The following IGFLR1 variants were observed in gnomAD, a reference collection of about 807,000 sequenced individuals.
IGFLR1 encodes IGF like family receptor 1, also known as IGF-like family receptor 1.
In IGFLR1, 17 loss-of-function variants were observed where a neutral mutation model predicts 23.4. The ratio of observed to expected loss-of-function variants is 0.73; its 90% confidence interval spans 0.50 to 1.09. The LOEUF (loss-of-function observed/expected upper bound fraction) is 1.09, where lower values mean the gene tolerates loss of function less well. IGFLR1 is among the 50% of genes least tolerant of loss of function. The probability of loss-of-function intolerance (pLI) is 0.00; values close to 1 mark genes in which losing one functional copy is unlikely to be tolerated. For missense variants in IGFLR1, 556 were observed against 459.2 expected (o/e 1.21, Z -1.93); for synonymous variants, 265 against 210.7 (o/e 1.26, Z -2.23).
chr19:35,739,625 T>C lies in IGFLR1; in HGVS notation c.723A>G (p.Glu241=). ...GGGGTTGTGACGCCAGACTGGACAG[T>C]TCTGGAAGAAAGGGGAAGGGTAAAG... The part of the protein sequence containing the change: ...EASLLPLLSR[E]LSSLASQPLS... Residue 241 remains glutamate (E), a splice_region_variant and synonymous_variant, in exon 5 of 5, where the codon GAA becomes GAG. Transcript: ENST00000246532. 1.2e-6 allele frequency: 2 copies of C among 1,606,830 alleles called. No homozygotes were observed. The highest frequency in any genetic ancestry group is 1.1e-5 in the South Asian group (1 of 90,874).
chr19:35,739,432 G>T lies in IGFLR1; in HGVS notation c.916C>A (p.Arg306Ser). 1 of 1,613,900 alleles carries T rather than the reference G, an allele frequency of 6.2e-7. No homozygotes were observed. The highest frequency in any genetic ancestry group is 8.5e-7 in the Non-Finnish European group (1 of 1,179,964). ...STFAYSLRPS[R>S]SPLRALIEMV... ...TCAATCAGAGCCCGCAGCGGCGAGC[G>T]ACTCGGCCTCAGCGAATAGGCAAAG... The change falls in exon 5 of 5, where the codon CGC becomes AGC. Residue 306 changes from arginine to serine, a missense_variant. Arg to Ser is a moderately radical substitution (Grantham distance 110, BLOSUM62 -1). Transcript: ENST00000246532.
At position 35,739,361 on chromosome 19, in the gene IGFLR1, G is replaced by A; in HGVS notation, c.987C>T (p.Gly329=). 6.2e-7 allele frequency: 1 copy of A among 1,612,362 alleles called. No homozygotes were observed. The highest frequency in any genetic ancestry group is 8.5e-7 in the Non-Finnish European group (1 of 1,179,488). ...REPSASLGQL[G]THLAQLGRAD... is the part of the protein sequence containing the mutation. ...CCCGCCCTAGCTGGGCGAGGTGTGT[G>A]CCAAGCTGGCCCAGGGAGGCAGAGG... The change falls in exon 5 of 5, where the codon GGC becomes GGT. Residue 329 remains glycine, a synonymous_variant. Coordinates refer to ENST00000246532, the MANE Select transcript of IGFLR1 (RefSeq NM_024660.4).
chr19:35,740,078 G>A lies in IGFLR1; in HGVS notation c.353C>T (p.Pro118Leu), dbSNP rs1197778126. 2 of 1,611,928 alleles carry A rather than the reference G, an allele frequency of 1.2e-6. No individual in the cohort carries two copies. Among genetic ancestry groups the A allele is most frequent in the Admixed American group, 1.7e-5 (1 of 59,816 alleles). Residue 118 changes from proline to leucine, a missense_variant, in exon 4 of 5, where the codon CCT (proline) becomes CTT (leucine). By Grantham distance (98) the Pro-to-Leu change is moderately conservative. Transcript: ENST00000246532. ...TGTGAGGGGGCAGTGCCCCTTGGCA[G>A]GGACCGGCCTCTGGGGATAAGGGGT... ...TPWRCRERPV[P>L]AKGHCPLTPG...
In IGFLR1 at chr19:35,739,628, T is replaced by G; in HGVS notation, c.722-2A>C. On this transcript the variant is annotated splice_acceptor_variant, in intron 4 of 4. Coordinates refer to ENST00000246532, the MANE Select transcript of IGFLR1 (RefSeq NM_024660.4). LOFTEE classifies it high-confidence loss of function. ...GTTGTGACGCCAGACTGGACAGTTC[T>G]GGAAGAAAGGGGAAGGGTAAAGGTG... 1 of 1,606,406 alleles carries G rather than the reference T, an allele frequency of 6.2e-7. No individual in the cohort carries two copies. The highest frequency in any genetic ancestry group is 8.5e-7 in the Non-Finnish European group (1 of 1,174,238).
Position 35,739,491 on chromosome 19 carries a change from G to C in IGFLR1, c.857C>G (p.Ala286Gly). The C allele has an allele frequency of 6.2e-7, 1 of 1,614,014 alleles. No homozygotes were observed. The highest frequency in any genetic ancestry group is 8.5e-7 in the Non-Finnish European group (1 of 1,180,002). Residue 286 changes from alanine to glycine, a missense_variant, in exon 5 of 5, where the codon GCC becomes GGC. Ala to Gly is a moderately conservative substitution (Grantham distance 60). Coordinates refer to ENST00000246532, the MANE Select transcript of IGFLR1 (RefSeq NM_024660.4). The stretch of plus-strand genomic sequence containing the variant: ...GGCAGCAGGCAGCCCATATCTTGCG[G>C]CCAGGTGTCGAGTAGTGCCATGGGC... ...GMAHGTTRHL[A>G]ARYGLPAAWS...
chr19:35,739,683 C>T lies in IGFLR1; in HGVS notation c.721+27G>A, dbSNP rs370623789. 7.0e-6 allele frequency: 11 copies of T among 1,563,454 alleles called. No individual in the cohort carries two copies. The African/African-American group carries it at 1.1e-4, about 15-fold the overall frequency. ...AGAGCGGGCGTCCAGTCCACCTTCC[C>T]TGCCCCGGGGCTCCTCCAGGACTAA... On this transcript the variant is annotated intron_variant, in intron 4 of 4. Transcript: ENST00000246532.
At position 35,739,555 on chromosome 19, in the gene IGFLR1, C is replaced by CAA. The variant is rs752230762; in HGVS notation, c.791_792dup (p.Val265LeufsTer39). Reference sequence around the variant, plus strand: ...GGCCCAGGCTCAGGGTCCAGCAGTACAATCAGCTCTTCCAGCACCTCCAGC... The same window carrying CAA: ...GGCCCAGGCTCAGGGTCCAGCAGTACAAAATCAGCTCTTCCAGCACCTCCAGC... On this transcript the variant is annotated frameshift_variant, in exon 5 of 5. Coordinates refer to ENST00000246532, the MANE Select transcript of IGFLR1 (RefSeq NM_024660.4). LOFTEE classifies it low-confidence loss of function (END_TRUNC). The CAA allele has an allele frequency of 5.0e-6, 8 of 1,614,014 alleles. No individual in the cohort carries two copies. Among genetic ancestry groups the CAA allele is most frequent in the Non-Finnish European group, 6.8e-6 (8 of 1,180,032 alleles).
Position 35,742,407 on chromosome 19 carries a change from T to C in IGFLR1, c.-55A>G. 6 of 1,532,872 alleles carry C rather than the reference T, an allele frequency of 3.9e-6. No homozygotes were observed. The highest frequency in any genetic ancestry group is 4.4e-6 in the Non-Finnish European group (5 of 1,145,152). 95.0% of individuals were successfully genotyped at this position (1,532,872 alleles called of 1,614,324 possible). A position where few individuals can be genotyped will look rare whatever the true frequency, so the allele number is the denominator to read the frequency against. On this transcript the variant is annotated 5_prime_UTR_variant, in exon 1 of 5. Transcript: ENST00000246532. ...CACCCTACCAGTACCGTTAGGGTCC[T>C]GGGTCCCAAGCTGGCCGTGCCAAGT...
In IGFLR1 at chr19:35,739,435, T is replaced by G. The variant is rs751866831; in HGVS notation, c.913A>C (p.Ser305Arg). Residue 305 changes from serine (S) to arginine (R), a missense_variant, in exon 5 of 5, where the codon AGT (serine) becomes CGT (arginine). Coordinates refer to ENST00000246532, the MANE Select transcript of IGFLR1 (RefSeq NM_024660.4). ...WSTFAYSLRP[S>R]RSPLRALIEM... Reference sequence around the variant, plus strand: ...ATCAGAGCCCGCAGCGGCGAGCGACTCGGCCTCAGCGAATAGGCAAAGGTG... The same window carrying G: ...ATCAGAGCCCGCAGCGGCGAGCGACGCGGCCTCAGCGAATAGGCAAAGGTG... 3 of 1,613,876 alleles carry G rather than the reference T, an allele frequency of 1.9e-6. No individual in the cohort carries two copies. In the South Asian group the frequency reaches 3.3e-5, roughly 18 times the overall value.
At position 35,740,086 on chromosome 19, in the gene IGFLR1, C is replaced by A; in HGVS notation, c.345G>T (p.Arg115Ser). ...GGRTPWRCRE[R>S]PVPAKGHCPL... ...GGCAGTGCCCCTTGGCAGGGACCGG[C>A]CTCTGGGGATAAGGGGTTGGAGTAA... The change falls in exon 4 of 5, where the codon AGG becomes AGT. Residue 115 changes from arginine to serine, a missense_variant and splice_region_variant. Transcript: ENST00000246532. 6.2e-7 allele frequency: 1 copy of A among 1,610,126 alleles called. No homozygotes were observed. The highest frequency in any genetic ancestry group is 8.5e-7 in the Non-Finnish European group (1 of 1,178,842).
At chr19:35,740,748 A>G in intron 2 of IGFLR1, 184 bp from the exon 3 acceptor site, 1 of 658,354 alleles carries the variant, frequency 1.5e-6, no homozygotes, top group South Asian at 2.0e-5. Flanking sequence ...CCTGCTCCGC[A>G]CGAAGCTCCG....
Position 35,739,470 on chromosome 19 carries a change from G to T in IGFLR1, c.878C>A (p.Ala293Asp). The T allele has an allele frequency of 6.2e-7, 1 of 1,613,982 alleles. No homozygotes were observed. Among genetic ancestry groups the T allele is most frequent in the Non-Finnish European group, 8.5e-7 (1 of 1,179,976 alleles). The part of the protein sequence containing the change: ...RHLAARYGLP[A>D]AWSTFAYSLR... ...CGAATAGGCAAAGGTGGACCAGGCAGCAGGCAGCCCATATCTTGCGGCCAG... is the reference window on the plus strand; with the variant it reads ...CGAATAGGCAAAGGTGGACCAGGCATCAGGCAGCCCATATCTTGCGGCCAG... The change falls in exon 5 of 5, where the codon GCT becomes GAT. Residue 293 changes from alanine to aspartate, a missense_variant. Coordinates refer to ENST00000246532, the MANE Select transcript of IGFLR1 (RefSeq NM_024660.4).
In IGFLR1 at chr19:35,741,185, G is replaced by A. The variant is rs747329461; in HGVS notation, c.-5C>T. 1 of 1,610,666 alleles carries A rather than the reference G, an allele frequency of 6.2e-7. No individual in the cohort carries two copies. Among genetic ancestry groups the A allele is most frequent in the Admixed American group, 1.7e-5 (1 of 59,618 alleles). The stretch of plus-strand genomic sequence containing the variant: ...GAGGCATCGTCCAGGCCCCATCTGG[G>A]GGGCCGTGATAGCGGGACTTCCAAA... On this transcript the variant is annotated 5_prime_UTR_variant, in exon 2 of 5. Transcript: ENST00000246532.
At chr19:35,742,374 G>A in intron 1 of IGFLR1, 22 bp downstream of exon 1, 1 of 1,513,972 alleles carries the variant, frequency 6.6e-7, no homozygotes, top group Non-Finnish European at 8.8e-7. Context: ...TCAGCACAAA[G>A]GTGTCCCCAC....
rs986182731 is a variant in IGFLR1, at chr19:35,740,101, G to C, written c.343-13C>G. 17 of 1,602,214 alleles carry C rather than the reference G, an allele frequency of 1.1e-5. No individual in the cohort carries two copies. Among genetic ancestry groups the C allele is most frequent in the Non-Finnish European group, 1.4e-5 (16 of 1,175,950 alleles). ...CAGGGACCGGCCTCTGGGGATAAGG[G>C]GTTGGAGTAAAGCTGGAGGCCACAC... On this transcript the variant is annotated splice_polypyrimidine_tract_variant and intron_variant, in intron 3 of 4. Transcript: ENST00000246532.
chr19:35,740,331 G>GCCC, intron 3 of IGFLR1, 49 bp downstream of exon 3: 1 of 1,495,970 alleles, frequency 6.7e-7, no homozygotes, highest in Non-Finnish European at 8.9e-7. Context: ...CTACATCTAG[G>GCCC]CCCCCCACCT....
At chr19:35,741,333 A>C in intron 1 of IGFLR1, 110 bp from the exon 2 acceptor site, 1 of 1,138,722 alleles carries the variant, frequency 8.8e-7, no homozygotes, top group East Asian at 2.6e-5. Context: ...CTCATCCCCC[A>C]ACTGAGCCGG....
chr19:35,740,355 G>T (rs1339791689), intron 3 of IGFLR1, 25 bp downstream of exon 3: 11 of 1,548,172 alleles, frequency 7.1e-6, no homozygotes, highest in East Asian at 2.3e-5. Flanking sequence ...GCACGCCCTT[G>T]CCCTGCCGGG....
At position 35,741,092 on chromosome 19, in the gene IGFLR1, T is replaced by G. The variant is rs369812360; in HGVS notation, c.89A>C (p.Glu30Ala). ...GCACTTGTTGTCTGGGTTCCAGTAT[T>G]CAAGGCGGCCGCAGTACTGGGAGGC... Reference protein sequence around the residue: ...PEASQYCGRLEYWNPDNKCCS... With the variant: ...PEASQYCGRLAYWNPDNKCCS... The change falls in exon 2 of 5, where the codon GAA becomes GCA. Residue 30 changes from glutamate to alanine, a missense_variant. By Grantham distance (107) the Glu-to-Ala change is moderately radical (BLOSUM62 -1). Transcript: ENST00000246532. 33 of 1,605,928 alleles carry G rather than the reference T, an allele frequency of 2.1e-5. No homozygotes were observed. Among genetic ancestry groups the G allele is most frequent in the Non-Finnish European group, 2.5e-5 (29 of 1,175,044 alleles).
Sources: allele counts gnomAD v4.1 joint callset, GRCh38; gene constraint gnomAD v4.1.1; transcripts MANE v1.5; gene names NCBI Gene and HGNC (gene_info 2026-07-23, HGNC 2026-07-21).